Variants in MRPS9 observed in about 807,000 individuals in gnomAD.
The protein encoded by MRPS9 is mitochondrial ribosomal protein S9, also known as small ribosomal subunit protein uS9m.
In MRPS9, 45 loss-of-function variants were observed where a neutral mutation model predicts 59.9. That is an observed-to-expected ratio of 0.75 (90% CI 0.59 to 0.96). The LOEUF (loss-of-function observed/expected upper bound fraction) is 0.96, where lower values mean the gene tolerates loss of function less well. Ranked by LOEUF, MRPS9 falls within the 40% of genes least tolerant of loss-of-function variation. The pLI is 0.00. For synonymous variants in MRPS9, 171 were observed against 166.8 expected, an observed-to-expected ratio of 1.03 and a Z score of -0.19; for missense variants, 473 against 481.1, an observed-to-expected ratio of 0.98 and a Z score of 0.16.
intron 1 of MRPS9, among the ~76,000 whole-genome samples, chr2:105,040,697 A>G (rs1363744963): frequency 1.3e-5 from 2 of 152,204 alleles, no homozygotes; most frequent in Non-Finnish European, 2.9e-5. Context: ...TTTGGGGCAG[A>G]AGAGGCAGTC....
At chr2:105,080,248 T>C (rs901956284) in intron 5 of MRPS9, among the ~76,000 whole-genome samples, 186 bp downstream of exon 5, 4 of 152,200 alleles carry the variant, frequency 2.6e-5, no homozygotes, top group Non-Finnish European at 5.9e-5. Flanking sequence ...AGGTGAACTT[T>C]ATAGAGTTTA....
chr2:105,043,674 C>G (rs1679540150), intron 1 of MRPS9, among the ~76,000 whole-genome samples: 1 of 151,924 alleles, frequency 6.6e-6, no homozygotes, highest in Non-Finnish European at 1.5e-5. Flanking sequence ...GCTCTGTCAC[C>G]CGGGCTGGAG....
chr2:105,039,042 A>T (rs1012786023), intron 1 of MRPS9, among the ~76,000 whole-genome samples: 2 of 152,064 alleles, frequency 1.3e-5, no homozygotes, highest in African/African-American at 4.8e-5. Flanking sequence ...AGGCAGAGGG[A>T]CAGGGCCCTG....
chr2:105,060,733 A>G (rs944598440), intron 2 of MRPS9, among the ~76,000 whole-genome samples: 1 of 152,192 alleles, frequency 6.6e-6, no homozygotes, highest in Non-Finnish European at 1.5e-5. Flanking sequence ...AGAACTTGGG[A>G]AAGTCTCTTG....
At chr2:105,085,475 G>T (rs1045008470) in intron 5 of MRPS9, among the ~76,000 whole-genome samples, 3 of 152,068 alleles carry the variant, frequency 2.0e-5, no homozygotes, top group African/African-American at 7.2e-5. Context: ...CCCATGAAAT[G>T]TTACTTGTTT....
intron 4 of MRPS9, among the ~76,000 whole-genome samples, chr2:105,076,181 A>G (rs1680208976): frequency 6.6e-6 from 1 of 152,226 alleles, no homozygotes; most frequent in Non-Finnish European, 1.5e-5. Context: ...CATTTAAACT[A>G]TGAATTGTTC....
chr2:105,097,298 A>G lies in MRPS9; in HGVS notation c.1073A>G (p.Glu358Gly), dbSNP rs1366115448. Residue 358 changes from glutamate to glycine, a missense_variant, in exon 10 of 11, where the codon GAG (glutamate) becomes GGG (glycine). By Grantham distance (98) the Glu-to-Gly change is moderately conservative (BLOSUM62 -2). Transcript: ENST00000258455. ...MAKALCSFVT[E>G]DEVEWMRQAG... The stretch of plus-strand genomic sequence containing the variant: ...AAAGCCTTGTGCAGCTTTGTCACCG[A>G]GGACGAGGTCGAGTGGATGAGACAA... 6.2e-7 allele frequency: 1 copy of G among 1,610,434 alleles called. No homozygotes were observed. The highest frequency in any genetic ancestry group is 1.7e-5 in the Admixed American group (1 of 59,412).
At chr2:105,066,023 C>A (rs55658991) in intron 2 of MRPS9, among the ~76,000 whole-genome samples, 5 of 152,022 alleles carry the variant, frequency 3.3e-5, no homozygotes, top group Admixed American at 1.3e-4. Flanking sequence ...AGGTTAGGTC[C>A]TGTTAGTACT....
intron 2 of MRPS9, among the ~76,000 whole-genome samples, chr2:105,051,289 T>C (rs1001716356): frequency 6.6e-6 from 1 of 152,202 alleles, no homozygotes; most frequent in Non-Finnish European, 1.5e-5. Flanking sequence ...CGGCATCATT[T>C]GTTGGAAAGA....
intron 5 of MRPS9, among the ~76,000 whole-genome samples, chr2:105,085,876 C>T (rs1216841958): frequency 6.6e-6 from 1 of 152,020 alleles, no homozygotes; most frequent in Non-Finnish European, 1.5e-5. Context: ...AACAATATAC[C>T]AGAAGCTACC....
intron 2 of MRPS9, among the ~76,000 whole-genome samples, chr2:105,058,299 T>C (rs527547895): frequency 4.6e-5 from 7 of 152,326 alleles, no homozygotes; most frequent in African/African-American, 1.7e-4. Flanking sequence ...AGCGAATCAG[T>C]AGAGATGACA....
At chr2:105,048,358 G>A (rs977078154) in intron 1 of MRPS9, among the ~76,000 whole-genome samples, 7 of 151,580 alleles carry the variant, frequency 4.6e-5, no homozygotes, top group African/African-American at 1.5e-4. Flanking sequence ...GTTGTGGGAT[G>A]GGGGGAGGGG....
In MRPS9 at chr2:105,071,443, T is replaced by C. The variant is rs777531548; in HGVS notation, c.379-16T>C. On this transcript the variant is annotated splice_polypyrimidine_tract_variant and intron_variant, in intron 3 of 10. Coordinates refer to ENST00000258455, the MANE Select transcript of MRPS9 (RefSeq NM_182640.3). ...GTTATGATAATTATCTAATACATTA[T>C]TAATTTATTTTACAGCATCCTGAAC... is the stretch of plus-strand genomic sequence containing the variant. The C allele has an allele frequency of 1.3e-6, 2 of 1,594,118 alleles. No individual in the cohort carries two copies. The highest frequency in any genetic ancestry group is 2.7e-5 in the African/African-American group (2 of 74,366).
intron 2 of MRPS9, among the ~76,000 whole-genome samples, chr2:105,054,161 A>G (rs1679759496): frequency 1.3e-5 from 2 of 152,216 alleles, no homozygotes; most frequent in South Asian, 4.1e-4. Context: ...TATCTCTAAA[A>G]TAATAATACC....
intron 5 of MRPS9, among the ~76,000 whole-genome samples, chr2:105,086,739 C>T (rs1680453351): frequency 6.6e-6 from 1 of 152,156 alleles, no homozygotes; most frequent in African/African-American, 2.4e-5. Context: ...TTTTAATTGT[C>T]AGATACATTC....
chr2:105,071,438 C>T (rs1334298051), intron 3 of MRPS9, 21 bp from the exon 4 acceptor site: 2 of 1,588,242 alleles, frequency 1.3e-6, no homozygotes, highest in Admixed American at 3.4e-5. Context: ...TTATCTAATA[C>T]ATTATTAATT....
At chr2:105,045,517 C>T (rs1470724903) in intron 1 of MRPS9, among the ~76,000 whole-genome samples, 1 of 151,442 alleles carries the variant, frequency 6.6e-6, no homozygotes, top group Non-Finnish European at 1.5e-5. Context: ...AAAAAATAGT[C>T]TAAAACTTAA....
At chr2:105,072,410 C>CT (rs572139367) in intron 4 of MRPS9, among the ~76,000 whole-genome samples, 29,866 of 146,872 alleles carry the variant, frequency 0.2, 3,045 homozygotes, top group Middle Eastern at 0.35. Flanking sequence ...GTTGACACAA[C>CT]TTTTTTTTTT....
chr2:105,092,860 A>G (rs1680589288), intron 8 of MRPS9, among the ~76,000 whole-genome samples: 1 of 152,166 alleles, frequency 6.6e-6, no homozygotes. Context: ...AGCTGCTAGA[A>G]TCGGTAAAAT....
Sources: gnomAD v4.1 joint callset for allele counts (sites outside exome capture counted in the v4.1 genomes callset) on GRCh38, gnomAD v4.1.1 for gene constraint, MANE v1.5 for transcripts, NCBI Gene and HGNC (gene_info 2026-07-23, HGNC 2026-07-21) for gene names.